ABLIM3: variants seen among roughly 807,000 people sequenced by gnomAD.
ABLIM3 encodes the protein actin binding LIM protein family member 3.
In ABLIM3, 61 loss-of-function variants were observed where a neutral mutation model predicts 109.5. The ratio of observed to expected loss-of-function variants is 0.56; its 90% CI spans 0.45 to 0.69. The LOEUF (loss-of-function observed/expected upper bound fraction) is 0.69, where lower values mean the gene tolerates loss of function less well. Among genes scored for constraint, ABLIM3 ranks in the 30% least tolerant of loss-of-function variants. The pLI, the probability that ABLIM3 is intolerant of heterozygous loss-of-function variation, is 0.00. For synonymous variants in ABLIM3, 300 were observed against 324.8 expected (o/e 0.92, Z 0.82); for missense variants, 796 against 889.5 (o/e 0.89, Z 1.34).
intron 3 of ABLIM3, among the ~76,000 whole-genome samples, chr5:149,184,802 T>C (rs1756797649): frequency 6.6e-6 from 1 of 152,208 alleles, no homozygotes; most frequent in African/African-American, 2.4e-5. Flanking sequence ...TGACTTCCCC[T>C]GCCATTGTGA....
At chr5:149,170,228 T>TTTTC (rs1554082423) in intron 2 of ABLIM3, among the ~76,000 whole-genome samples, 56 of 124,660 alleles carry the variant, frequency 4.5e-4, no homozygotes, top group African/African-American at 1.7e-3. Context: ...AGGGTTCTGT[T>TTTTC]TCTCTCTCTC....
chr5:149,254,110 A>G (rs1754215793), intron 23 of ABLIM3, among the ~76,000 whole-genome samples: 1 of 152,060 alleles, frequency 6.6e-6, no homozygotes, highest in Admixed American at 6.5e-5. Flanking sequence ...AATTATCTCC[A>G]CCTGGCCCCA....
chr5:149,236,419 C>G (rs1466305366), intron 10 of ABLIM3, among the ~76,000 whole-genome samples: 6 of 152,032 alleles, frequency 3.9e-5, no homozygotes, highest in Non-Finnish European at 8.8e-5. Context: ...TATCTAGCAG[C>G]CTCTGTTGTA....
chr5:149,207,122 A>T lies in ABLIM3; in HGVS notation c.563A>T (p.Glu188Val). The stretch of plus-strand genomic sequence containing the variant: ...ACCTGCAGCGTCATCCTCACCGGGG[A>T]GTATATCAGCAAGTGGGTCCCCCTG... ...CQTCSVILTG[E>V]YISKDGVPYC... The change falls in exon 6 of 24, where the codon GAG becomes GTG. Residue 188 changes from glutamate (E) to valine (V), a missense_variant. Coordinates refer to ENST00000309868, the MANE Select transcript of ABLIM3 (RefSeq NM_014945.5). 6.2e-7 allele frequency: 1 copy of T among 1,613,386 alleles called. No individual in the cohort carries two copies. Among genetic ancestry groups the T allele is most frequent in the Non-Finnish European group, 8.5e-7 (1 of 1,179,658 alleles).
intron 2 of ABLIM3, 52 bp from the exon 3 acceptor site, chr5:149,183,400 C>CA: frequency 7.5e-6 from 11 of 1,465,042 alleles, no homozygotes; most frequent in Non-Finnish European, 1.0e-5. Context: ...TTGCAGCAGA[C>CA]TTTGTAAAGA....
At position 149,198,242 on chromosome 5, in the gene ABLIM3, T is replaced by A. The variant is rs1224255771; in HGVS notation, c.175T>A (p.Ser59Thr). 2 of 1,613,692 alleles carry A rather than the reference T, an allele frequency of 1.2e-6. No homozygotes were observed. The highest frequency in any genetic ancestry group is 2.2e-5 in the South Asian group (2 of 91,006). Residue 59 changes from serine to threonine, a missense_variant, in exon 4 of 24, where the codon TCA becomes ACA. Ser to Thr is a moderately conservative substitution (Grantham distance 58). Transcript: ENST00000309868. This position sits in a 1 kb window ranked among gnomAD's most constrained non-coding sequence, Gnocchi z 4.2. Reference protein sequence around the residue: ...CQVCGCGLAQSGFFFKNQEYI... With the variant: ...CQVCGCGLAQTGFFFKNQEYI... ...AGTATGTGGCTGTGGCCTGGCCCAG[T>A]CAGGCTTCTTCTTCAAGAACCAGGA...
At chr5:149,193,051 A>G (rs1757643397) in intron 3 of ABLIM3, among the ~76,000 whole-genome samples, 1 of 152,302 alleles carries the variant, frequency 6.6e-6, no homozygotes, top group Non-Finnish European at 1.5e-5. Context: ...GACAAATGCA[A>G]TGTATGAACC....
chr5:149,206,227 A>G (rs1416246551), intron 5 of ABLIM3, among the ~76,000 whole-genome samples: 1 of 151,954 alleles, frequency 6.6e-6, no homozygotes, highest in East Asian at 1.9e-4. Flanking sequence ...CTTGGCCCCA[A>G]CTCACATTCC....
chr5:149,222,971 T>G (rs1007528427), intron 8 of ABLIM3, among the ~76,000 whole-genome samples: 2 of 152,214 alleles, frequency 1.3e-5, no homozygotes, highest in Admixed American at 6.5e-5. Context: ...GCTTAAAAAC[T>G]TTAAATCTTA....
chr5:149,162,315 G>A (rs961107795), intron 2 of ABLIM3, among the ~76,000 whole-genome samples: 1 of 152,114 alleles, frequency 6.6e-6, no homozygotes, highest in Admixed American at 6.5e-5. Context: ...AGGTAAATGG[G>A]GCAAGGTAAA....
At chr5:149,204,762 G>C (rs1758808533) in intron 5 of ABLIM3, among the ~76,000 whole-genome samples, 16 of 152,230 alleles carry the variant, frequency 1.1e-4, no homozygotes, top group Admixed American at 1.0e-3. Context: ...TCTGGGCTTA[G>C]AGAGCATACA....
At chr5:149,168,453 G>A (rs1336369397) in intron 2 of ABLIM3, among the ~76,000 whole-genome samples, 2 of 152,156 alleles carry the variant, frequency 1.3e-5, no homozygotes, top group South Asian at 2.1e-4. Flanking sequence ...ACGACGGAGT[G>A]AGGAAAAACA....
Position 149,168,435 on chromosome 5 carries a change from C to T in ABLIM3, c.14-15017C>T, listed in dbSNP as rs140278284. 2.6e-4 allele frequency among the ~76,000 whole-genome samples: 39 copies of T among 152,282 alleles called. No individual in the cohort carries two copies. The East Asian group carries it at 6.4e-3, about 25-fold the overall frequency. On this transcript the variant is annotated intron_variant, in intron 2 of 23. Transcript: ENST00000309868. ...CTCTGAAATCTGAAGGGACAGGGCT[C>T]GGAAGACACGACGGAGTGAGGAAAA... is the stretch of plus-strand genomic sequence containing the variant.
rs374307667 is a variant in ABLIM3 at position 149,246,403 on chromosome 5, CT to C, written c.1487-73del. The C allele has an allele frequency of 1.4e-3, 1,906 of 1,363,876 alleles. 6 individuals are homozygous for C. Among genetic ancestry groups the C allele is most frequent in the East Asian group, 9.4e-3 (364 of 38,902 alleles). The allele number at this position is 1,363,876 out of a possible 1,614,324, so 84.5% of individuals were successfully genotyped here. A position where few individuals can be genotyped will look rare whatever the true frequency, so the allele number is the denominator to read the frequency against. On this transcript the variant is annotated intron_variant, in intron 16 of 23. Coordinates refer to ENST00000309868, the MANE Select transcript of ABLIM3 (RefSeq NM_014945.5). ...TTAAAAAGAAAGAAAAGTGGCTTTT[CT>C]TTTTTAAAAAAAAAATGCCTTAAGC...
At chr5:149,145,844 G>A (rs184385485) in intron 2 of ABLIM3, among the ~76,000 whole-genome samples, 204 of 151,670 alleles carry the variant, frequency 1.3e-3, no homozygotes, top group African/African-American at 4.6e-3. Context: ...GATGTTCAGT[G>A]TAACAAACAT....
chr5:149,165,717 A>G (rs2127453306), intron 2 of ABLIM3, among the ~76,000 whole-genome samples: 1 of 152,230 alleles, frequency 6.6e-6, no homozygotes, highest in Non-Finnish European at 1.5e-5. Flanking sequence ...CTGCTCACTC[A>G]TTCTGATTAC....
intron 2 of ABLIM3, among the ~76,000 whole-genome samples, chr5:149,181,287 A>T (rs944604510): frequency 6.8e-6 from 1 of 147,960 alleles, no homozygotes; most frequent in African/African-American, 2.5e-5. Context: ...AATGTTTATG[A>T]ACATTCTGGG....
At chr5:149,179,247 G>A (rs985486884) in intron 2 of ABLIM3, among the ~76,000 whole-genome samples, 1 of 152,088 alleles carries the variant, frequency 6.6e-6, no homozygotes, top group Admixed American at 6.5e-5. Context: ...TATAAAAGAG[G>A]GCTTAATGTT....
chr5:149,230,867 C>T (rs1761787552), intron 9 of ABLIM3, among the ~76,000 whole-genome samples, 160 bp downstream of exon 9: 1 of 152,138 alleles, frequency 6.6e-6, no homozygotes, highest in African/African-American at 2.4e-5. Context: ...ACACCTGCCC[C>T]ATGGGGTTTT....
Sources: allele counts gnomAD v4.1 joint callset (sites outside exome capture counted in the v4.1 genomes callset), GRCh38; gene constraint gnomAD v4.1.1; non-coding constraint Gnocchi (gnomAD v3.1); transcripts MANE v1.5; gene names NCBI Gene and HGNC (gene_info 2026-07-23, HGNC 2026-07-21).